Variants in ZNF506 observed in about 807,000 individuals in gnomAD.
The protein encoded by ZNF506 is zinc finger protein 506.
Under a neutral mutation model 11.6 loss-of-function variants are expected in ZNF506, and 10 were observed. The ratio of observed to expected loss-of-function variants is 0.86; its 90% CI spans 0.53 to 1.46. The LOEUF is 1.46. Ranked by LOEUF, ZNF506 falls within the 40% of genes most tolerant of loss-of-function variation. The pLI is 0.00. For missense variants in ZNF506, 425 were observed against 521.2 expected (o/e 0.82, Z 1.80); for synonymous variants, 156 against 173.3 (o/e 0.90, Z 0.78).
intron 1 of ZNF506, among the ~76,000 whole-genome samples, chr19:19,815,155 G>C (rs2062919507): frequency 6.6e-6 from 1 of 152,188 alleles, no homozygotes; most frequent in South Asian, 2.1e-4. Flanking sequence ...AGCTACTCAG[G>C]AGGCTGAGAC....
At chr19:19,810,259 T>C (rs1368361303) in intron 1 of ZNF506, among the ~76,000 whole-genome samples, 1 of 152,206 alleles carries the variant, frequency 6.6e-6, no homozygotes, top group Non-Finnish European at 1.5e-5. Flanking sequence ...CAAATACTTC[T>C]GGTACAGATA....
Position 19,821,711 on chromosome 19 carries a change from G to A in ZNF506, c.-108C>T, listed in dbSNP as rs960673351. On this transcript the variant is annotated 5_prime_UTR_variant, in exon 1 of 4. Coordinates refer to ENST00000540806, the MANE Select transcript of ZNF506 (RefSeq NM_001099269.3). Reference sequence around the variant, plus strand: ...CTAGGAGCTGACGGCACAGAGCAGTGAAGACGATAGCTGGATCTCTGGCGT... The same window carrying A: ...CTAGGAGCTGACGGCACAGAGCAGTAAAGACGATAGCTGGATCTCTGGCGT... 6.5e-5 allele frequency: 91 copies of A among 1,398,780 alleles called. No homozygotes were observed. Among genetic ancestry groups the A allele is most frequent in the Non-Finnish European group, 8.4e-5 (83 of 987,376 alleles). 86.6% of individuals were successfully genotyped at this position (1,398,780 alleles called of 1,614,324 possible). A position where few individuals can be genotyped will look rare whatever the true frequency, so the allele number is the denominator to read the frequency against.
intron 1 of ZNF506, among the ~76,000 whole-genome samples, chr19:19,807,974 TAAGAA>T (rs1486386035): frequency 1.3e-5 from 2 of 151,632 alleles, no homozygotes; most frequent in Non-Finnish European, 2.9e-5. Context: ...AGGAAAAAAA[TAAGAA>T]AGGACAGCTG....
chr19:19,821,595 T>G lies in ZNF506; in HGVS notation c.3+6A>C. The G allele has an allele frequency of 6.2e-7, 1 of 1,614,016 alleles. No homozygotes were observed. Among genetic ancestry groups the G allele is most frequent in the Non-Finnish European group, 8.5e-7 (1 of 1,179,924 alleles). On this transcript the variant is annotated splice_donor_region_variant and intron_variant, in intron 1 of 3. Transcript: ENST00000540806. ...CTCTCTCGGGATGTCGAACTGGCAC[T>G]CTCACCATTTCTAGGCTTCCAGGGG... is the stretch of plus-strand genomic sequence containing the variant.
chr19:19,805,791 G>C (rs1291496206), intron 3 of ZNF506, among the ~76,000 whole-genome samples: 1 of 152,066 alleles, frequency 6.6e-6, no homozygotes, highest in African/African-American at 2.4e-5. Flanking sequence ...GTGTGAACTT[G>C]AAGGAAGCTC....
chr19:19,807,453 C>A (rs925691512), intron 1 of ZNF506, among the ~76,000 whole-genome samples: 5 of 152,064 alleles, frequency 3.3e-5, no homozygotes, highest in Admixed American at 6.5e-5. Flanking sequence ...AATAAGCTGA[C>A]GACCTTGTTA....
chr19:19,797,942 A>G (rs1194165200), intron 3 of ZNF506: 5 of 152,212 alleles, frequency 3.3e-5, no homozygotes, highest in African/African-American at 1.2e-4. Flanking sequence ...AAATAACCAA[A>G]TCCTGAGAAA....
chr19:19,795,326 G>C lies in ZNF506; in HGVS notation c.561C>G (p.Thr187=). 1 of 1,613,586 alleles carries C rather than the reference G, an allele frequency of 6.2e-7. No individual in the cohort carries two copies. Among genetic ancestry groups the C allele is most frequent in the Non-Finnish European group, 8.5e-7 (1 of 1,179,858 alleles). The change falls in exon 4 of 4, where the codon ACC becomes ACG. Residue 187 remains threonine (T), a synonymous_variant. Transcript: ENST00000540806. ...EYGKTFNQSS[T]RTTYKKIDAG... ...CATCAATTTTCTTATATGTAGTACG[G>C]GTTGAAGACTGGTTAAAAGTTTTCC... is the stretch of plus-strand genomic sequence containing the variant.
At chr19:19,816,448 C>G (rs1032146575) in intron 1 of ZNF506, among the ~76,000 whole-genome samples, 1 of 152,212 alleles carries the variant, frequency 6.6e-6, no homozygotes, top group East Asian at 1.9e-4. Context: ...AGCTCCATCT[C>G]CCGGGTTCAC....
rs778682865 is a variant in ZNF506, at chr19:19,792,840, G to A, written c.*1712C>T. On this transcript the variant is annotated 3_prime_UTR_variant, in exon 4 of 4. Transcript: ENST00000540806. ...AGACAAAGCAAAACATCAACATTAA[G>A]TCATAGGCTAGGATTATACAAATGA... is the stretch of plus-strand genomic sequence containing the variant. Among the ~76,000 whole-genome samples, 11 of 151,942 alleles carry A rather than the reference G, an allele frequency of 7.2e-5. No homozygotes were observed. The highest frequency in any genetic ancestry group is 2.0e-4 in the Admixed American group (3 of 15,236).
chr19:19,799,672 G>A (rs773324610), intron 3 of ZNF506, among the ~76,000 whole-genome samples: 3 of 152,124 alleles, frequency 2.0e-5, no homozygotes, highest in Non-Finnish European at 2.9e-5. Context: ...ACTTTGGGAG[G>A]CCGAGGCGGG....
chr19:19,794,094 G>C lies in ZNF506; in HGVS notation c.*458C>G, dbSNP rs571481161. On this transcript the variant is annotated 3_prime_UTR_variant, in exon 4 of 4. Transcript: ENST00000540806. ...GGATGCCGAGGTGGGTGGACCATCTGAGGTCAGGAGTTGGAGACCAGTCTG... is the reference window on the plus strand; with the variant it reads ...GGATGCCGAGGTGGGTGGACCATCTCAGGTCAGGAGTTGGAGACCAGTCTG... The C allele has an allele frequency of 6.3e-6, 1 of 158,096 alleles. No individual in the cohort carries two copies. The highest frequency in any genetic ancestry group is 1.8e-4 in the South Asian group (1 of 5,438). The allele number at this position is 158,096 out of a possible 1,614,324, so 9.8% of individuals were successfully genotyped here. A position where few individuals can be genotyped will look rare whatever the true frequency, so the allele number is the denominator to read the frequency against.
At chr19:19,816,532 G>T (rs1374574469) in intron 1 of ZNF506, among the ~76,000 whole-genome samples, 2 of 151,968 alleles carry the variant, frequency 1.3e-5, no homozygotes, top group African/African-American at 2.4e-5. Flanking sequence ...TAATTTTTTT[G>T]TATTTGTAGT....
rs530976305 is a variant in ZNF506 at position 19,799,753 on chromosome 19, A to C, written c.227-4093T>G. ...TATTGTGAAGATGTCTATACCGCTCAATTTAACCTATAGATTTAATGCAAT... is the reference window on the plus strand; with the variant it reads ...TATTGTGAAGATGTCTATACCGCTCCATTTAACCTATAGATTTAATGCAAT... On this transcript the variant is annotated intron_variant, in intron 3 of 3. Transcript: ENST00000540806. 2.0e-5 allele frequency among the ~76,000 whole-genome samples: 3 copies of C among 152,268 alleles called. No individual in the cohort carries two copies. In the South Asian group the frequency reaches 6.2e-4, roughly 32 times the overall value.
intron 2 of ZNF506, chr19:19,806,441 C>G: frequency 5.1e-6 from 1 of 195,030 alleles, no homozygotes; most frequent in Non-Finnish European, 1.0e-5. Context: ...GTTTTTAGTA[C>G]AGACAGGGTT....
At position 19,795,369 on chromosome 19, in the gene ZNF506, A is replaced by G. The variant is rs201700236; in HGVS notation, c.518T>C (p.Phe173Ser). ...HKIRDTGKKSFKCIEYGKTFN... is the reference protein window; with the variant it reads ...HKIRDTGKKSSKCIEYGKTFN... ...AGTTTTCCCATATTCTATACATTTA[A>G]AAGATTTTTTTCCAGTATCTCTTAT... Residue 173 changes from phenylalanine (F) to serine (S), a missense_variant, in exon 4 of 4, where the codon TTT becomes TCT. Phe to Ser is a radical substitution (Grantham distance 155). Transcript: ENST00000540806. 1 of 1,608,766 alleles carries G rather than the reference A, an allele frequency of 6.2e-7. No individual in the cohort carries two copies. The highest frequency in any genetic ancestry group is 1.1e-5 in the South Asian group (1 of 90,054).
chr19:19,818,768 C>T (rs1445091139), intron 1 of ZNF506, among the ~76,000 whole-genome samples: 2 of 152,168 alleles, frequency 1.3e-5, no homozygotes, highest in East Asian at 3.9e-4. Flanking sequence ...TTCGGGAGGC[C>T]AAAGCAGGTG....
In ZNF506 at chr19:19,795,610, C is replaced by A; in HGVS notation, c.277G>T (p.Asp93Tyr). Residue 93 changes from aspartate (D) to tyrosine (Y), a missense_variant, in exon 4 of 4, where the codon GAT becomes TAT. Physicochemically the swap from Asp to Tyr is radical, Grantham distance 160. This residue lies in a region of ZNF506 where 226 missense variants were observed against 279.1 expected (regional missense o/e 0.81). Transcript: ENST00000540806. ...CTTAGTATCACTTTTTGGAAAGAAT[C>A]TTTTATGCTCTGCTCTGACCAAAGG... ...QDLWSEQSIK[D>Y]SFQKVILRRY... The A allele has an allele frequency of 1.3e-6, 2 of 1,552,306 alleles. No individual in the cohort carries two copies. The highest frequency in any genetic ancestry group is 1.7e-6 in the Non-Finnish European group (2 of 1,154,950).
intron 3 of ZNF506, among the ~76,000 whole-genome samples, chr19:19,802,891 C>T (rs377699807): frequency 2.0e-5 from 3 of 152,090 alleles, no homozygotes; most frequent in Admixed American, 6.6e-5. Flanking sequence ...ATGAGAAAAC[C>T]AGGCATTATG....
Sources: allele counts gnomAD v4.1 joint callset (sites outside exome capture counted in the v4.1 genomes callset), GRCh38; gene constraint gnomAD v4.1.1; regional missense constraint gnomAD v4.1.1; transcripts MANE v1.5; gene names NCBI Gene and HGNC (gene_info 2026-07-23, HGNC 2026-07-21).